The following SAMHD1 variants were observed in gnomAD, a reference collection of about 807,000 sequenced individuals.
The protein encoded by SAMHD1 is deoxynucleoside triphosphate triphosphohydrolase SAMHD1.
A neutral mutation model predicts 79.6 loss-of-function variants in SAMHD1; 54 were observed. That is an observed-to-expected ratio of 0.68 (90% CI 0.55 to 0.85). The LOEUF is 0.85. Ranked by LOEUF, SAMHD1 falls within the 40% of genes least tolerant of loss-of-function variation. The probability of loss-of-function intolerance (pLI) is 0.00; values close to 1 mark genes in which losing one functional copy is unlikely to be tolerated. For missense variants in SAMHD1, 663 were observed against 782.7 expected (o/e 0.85, Z 1.82); for synonymous variants, 260 against 264.1 (o/e 0.98, Z 0.15).
intron 2 of SAMHD1, 167 bp downstream of exon 2, chr20:36,946,571 C>A: frequency 1.7e-6 from 1 of 596,740 alleles, no homozygotes; most frequent in Non-Finnish European, 3.0e-6. Context: ...GAGACTATCT[C>A]AAAAAACAAA....
intron 14 of SAMHD1, 21 bp downstream of exon 14, chr20:36,898,419 T>C: frequency 6.5e-7 from 1 of 1,536,612 alleles, no homozygotes; most frequent in Non-Finnish European, 9.0e-7. Flanking sequence ...TATAGTATAT[T>C]TGTTTTGCCT....
In SAMHD1 at chr20:36,899,385, G is replaced by A. The variant is rs1283964216; in HGVS notation, c.1504-841C>T. Among the ~76,000 whole-genome samples, 7 of 151,738 alleles carry A rather than the reference G, an allele frequency of 4.6e-5. No individual in the cohort carries two copies. In the East Asian group the frequency reaches 5.8e-4, roughly 13 times the overall value. On this transcript the variant is annotated intron_variant, in intron 13 of 15. Transcript: ENST00000646673. ...GGAGGTTGCAGTGAGTTGAGATTGC[G>A]CCACTGCACTCCAGCCTAGGCAACA...
At chr20:36,929,662 A>G (rs556770557) in intron 5 of SAMHD1, among the ~76,000 whole-genome samples, 2 of 152,248 alleles carry the variant, frequency 1.3e-5, no homozygotes, top group Non-Finnish European at 2.9e-5. Context: ...CAGTGAGCCA[A>G]GATAGTGCCA....
chr20:36,900,867 C>T (rs1990293750), intron 13 of SAMHD1, among the ~76,000 whole-genome samples: 1 of 151,942 alleles, frequency 6.6e-6, no homozygotes, highest in African/African-American at 2.4e-5. Flanking sequence ...CCACCGTGCC[C>T]GGCCTATTAC....
At chr20:36,937,172 A>G (rs1012218591) in intron 3 of SAMHD1, among the ~76,000 whole-genome samples, 1 of 151,306 alleles carries the variant, frequency 6.6e-6, no homozygotes, top group Admixed American at 6.6e-5. Flanking sequence ...TCATTGATAC[A>G]TTTGAAAAAT....
In SAMHD1 at chr20:36,914,308, C is replaced by T. The variant is rs144221142; in HGVS notation, c.1063-1756G>A. On this transcript the variant is annotated intron_variant, in intron 9 of 15. Transcript: ENST00000646673. Reference sequence around the variant, plus strand: ...AGACCTTTATGATGATCTACTTCCACTTAATGAATAGTAAATATACTTTCT... The same window carrying T: ...AGACCTTTATGATGATCTACTTCCATTTAATGAATAGTAAATATACTTTCT... Among the ~76,000 whole-genome samples the T allele has an allele frequency of 1.5e-3, 233 of 152,144 alleles. 2 individuals carry two copies. Among genetic ancestry groups the T allele is most frequent in the African/African-American group, 5.3e-3 (218 of 41,508 alleles).
At chr20:36,912,889 GTT>G (rs71186089) in intron 9 of SAMHD1, among the ~76,000 whole-genome samples, 1 of 41,102 alleles carries the variant, frequency 2.4e-5, no homozygotes, top group African/African-American at 1.0e-4. Flanking sequence ...TTCATTCTTT[GTT>G]TTTTTTTTTT....
chr20:36,898,397 G>A lies in SAMHD1; in HGVS notation c.1608+43C>T, dbSNP rs192498000. On this transcript the variant is annotated intron_variant, in intron 14 of 15. Coordinates refer to ENST00000646673, the MANE Select transcript of SAMHD1 (RefSeq NM_015474.4). Reference sequence around the variant, plus strand: ...AAATGCTAATTTACTATAAAGATTTGCTACATGCCACTATAGTATATTTGT... The same window carrying A: ...AAATGCTAATTTACTATAAAGATTTACTACATGCCACTATAGTATATTTGT... 2.9e-6 allele frequency: 4 copies of A among 1,394,148 alleles called. No homozygotes were observed. In the East Asian group the frequency reaches 6.8e-5, roughly 24 times the overall value. 86.4% of individuals were successfully genotyped at this position (1,394,148 alleles called of 1,614,324 possible). A position where few individuals can be genotyped will look rare whatever the true frequency, so the allele number is the denominator to read the frequency against.
intron 11 of SAMHD1, among the ~76,000 whole-genome samples, chr20:36,910,266 T>C: frequency 6.7e-6 from 1 of 149,034 alleles, no homozygotes; most frequent in Non-Finnish European, 1.5e-5. Context: ...CACATGCCTA[T>C]AGTCCCAAGT....
At chr20:36,911,786 TA>T in intron 10 of SAMHD1, 1 of 174,852 alleles carries the variant, frequency 5.7e-6, no homozygotes, top group South Asian at 1.3e-4. Flanking sequence ...AAAGGATAGG[TA>T]AAAAATAGGA....
At chr20:36,938,308 G>A (rs1408222535) in intron 3 of SAMHD1, among the ~76,000 whole-genome samples, 4 of 152,184 alleles carry the variant, frequency 2.6e-5, no homozygotes, top group African/African-American at 7.2e-5. Flanking sequence ...TTGGAAGGCC[G>A]AGGCAGGCAG....
intron 15 of SAMHD1, among the ~76,000 whole-genome samples, chr20:36,895,710 A>C (rs1990184621): frequency 6.6e-6 from 1 of 152,034 alleles, no homozygotes; most frequent in Non-Finnish European, 1.5e-5. Flanking sequence ...CAGACTCTCC[A>C]AGTTCCAGTC....
chr20:36,916,772 C>T lies in SAMHD1; in HGVS notation c.1012G>A (p.Ala338Thr). The T allele has an allele frequency of 1.9e-6, 3 of 1,614,042 alleles. No individual in the cohort carries two copies. The highest frequency in any genetic ancestry group is 2.2e-5 in the South Asian group (2 of 91,082). Reference protein sequence around the residue: ...NFDYKRFIKFARVCEVDNELR... With the variant: ...NFDYKRFIKFTRVCEVDNELR... Reference sequence around the variant, plus strand: ...TCATTGTCTACTTCACAGACACGGGCAAACTTAATAAAGCGCTTGTAATCA... The same window carrying T: ...TCATTGTCTACTTCACAGACACGGGTAAACTTAATAAAGCGCTTGTAATCA... The change falls in exon 9 of 16, where the codon GCC becomes ACC. Residue 338 changes from alanine to threonine, a missense_variant. By Grantham distance (58) the Ala-to-Thr change is moderately conservative. Coordinates refer to ENST00000646673, the MANE Select transcript of SAMHD1 (RefSeq NM_015474.4).
chr20:36,938,497 G>A (rs1250041922), intron 3 of SAMHD1, among the ~76,000 whole-genome samples: 2 of 151,370 alleles, frequency 1.3e-5, no homozygotes, highest in East Asian at 2.0e-4. Context: ...CTGAGATCAC[G>A]CCACTGCACT....
intron 9 of SAMHD1, 107 bp from the exon 10 acceptor site, chr20:36,912,659 G>T: frequency 1.3e-6 from 1 of 775,610 alleles, no homozygotes; most frequent in Non-Finnish European, 2.2e-6. Flanking sequence ...AGACAAGAGG[G>T]CTATGCACCG....
chr20:36,946,412 C>CAA (rs747820850), intron 2 of SAMHD1: 2,775 of 193,738 alleles, frequency 0.014, 1 homozygote, highest in Middle Eastern at 0.025. Flanking sequence ...GACTCTGTCT[C>CAA]AAAAAAAAAA....
chr20:36,891,521 A>T lies in SAMHD1; in HGVS notation c.*1411T>A, dbSNP rs1480824931. 1 of 152,398 alleles carries T rather than the reference A, an allele frequency of 6.6e-6. No homozygotes were observed. The highest frequency in any genetic ancestry group is 1.5e-5 in the Non-Finnish European group (1 of 68,272). 9.4% of individuals were successfully genotyped at this position (152,398 alleles called of 1,614,324 possible). The stretch of plus-strand genomic sequence containing the variant: ...CCACCAGCTTTGGCTCTAACTGCAG[A>T]CTTTGTTCTTGGTGAATTGCTATAG... On this transcript the variant is annotated 3_prime_UTR_variant, in exon 16 of 16. Coordinates refer to ENST00000646673, the MANE Select transcript of SAMHD1 (RefSeq NM_015474.4).
intron 9 of SAMHD1, among the ~76,000 whole-genome samples, chr20:36,915,278 C>A (rs1445430775): frequency 6.6e-6 from 1 of 152,128 alleles, no homozygotes; most frequent in African/African-American, 2.4e-5. Flanking sequence ...GTCAAGGCTA[C>A]AATGCACTAT....
At position 36,934,780 on chromosome 20, in the gene SAMHD1, T is replaced by G. The variant is rs540421320; in HGVS notation, c.509+249A>C. 7.8e-5 allele frequency: 30 copies of G among 385,412 alleles called. 1 individual carries two copies. The highest frequency in any genetic ancestry group is 6.3e-4 in the South Asian group (29 of 46,106). 23.9% of individuals were successfully genotyped at this position (385,412 alleles called of 1,614,324 possible). ...TTCAAGTGATCCTCCTGCCTCAGCC[T>G]CCTGAGTAGCTAGGATTACAGGTGC... On this transcript the variant is annotated intron_variant, in intron 4 of 15. Coordinates refer to ENST00000646673, the MANE Select transcript of SAMHD1 (RefSeq NM_015474.4).
Sources: gnomAD v4.1 joint callset for allele counts (sites outside exome capture counted in the v4.1 genomes callset) on GRCh38, gnomAD v4.1.1 for gene constraint, MANE v1.5 for transcripts, NCBI Gene and HGNC (gene_info 2026-07-23, HGNC 2026-07-21) for gene names.